Variants in NTRK3 observed in about 807,000 individuals in gnomAD.
NTRK3 encodes NT-3 growth factor receptor.
Under a neutral mutation model 91.7 loss-of-function variants are expected in NTRK3, and 24 were observed. The ratio of observed to expected loss-of-function variants is 0.26; its 90% CI spans 0.19 to 0.37. The LOEUF (loss-of-function observed/expected upper bound fraction) is 0.37. Ranked by LOEUF, NTRK3 falls within the 10% of genes least tolerant of loss-of-function variation. NTRK3 has a pLI of 1.00. For synonymous variants in NTRK3, 483 were observed against 404.0 expected, an observed-to-expected ratio of 1.20 and a Z score of -2.34; for missense variants, 880 against 1,068.9, an observed-to-expected ratio of 0.82 and a Z score of 2.46.
At chr15:88,097,622 T>C (rs1221430370) in intron 13 of NTRK3, among the ~76,000 whole-genome samples, 1 of 152,252 alleles carries the variant, frequency 6.6e-6, no homozygotes. Flanking sequence ...TTGTTACTGA[T>C]AATAGTATTT....
At chr15:87,935,043 G>C (rs760759527) in intron 15 of NTRK3, among the ~76,000 whole-genome samples, 1 of 152,130 alleles carries the variant, frequency 6.6e-6, no homozygotes, top group Non-Finnish European at 1.5e-5. Context: ...TTCAGGATGG[G>C]GAAGTAACTT....
At chr15:88,107,164 C>T (rs997032089) in intron 13 of NTRK3, among the ~76,000 whole-genome samples, 1 of 151,976 alleles carries the variant, frequency 6.6e-6, no homozygotes, top group Non-Finnish European at 1.5e-5. Flanking sequence ...AGTCCACAGG[C>T]CAGGTGCAGT....
intron 3 of NTRK3, among the ~76,000 whole-genome samples, chr15:88,224,093 A>G (rs1278085740): frequency 1.3e-5 from 2 of 152,192 alleles, no homozygotes; most frequent in Non-Finnish European, 2.9e-5. Flanking sequence ...TGCATCTCAG[A>G]GCTGGTGCAG....
chr15:88,132,116 TTGAG>T, intron 10 of NTRK3: 1 of 182,722 alleles, frequency 5.5e-6, no homozygotes, highest in Non-Finnish European at 1.2e-5. Flanking sequence ...TGACAAGTGA[TTGAG>T]TCAGAGTCAG....
intron 13 of NTRK3, among the ~76,000 whole-genome samples, chr15:88,108,500 A>G (rs1049881668): frequency 1.3e-5 from 2 of 152,116 alleles, no homozygotes; most frequent in African/African-American, 4.8e-5. Context: ...TCCTCACTCC[A>G]TGCTCCCTGT....
chr15:87,912,146 G>T, intron 17 of NTRK3, among the ~76,000 whole-genome samples: 1 of 152,174 alleles, frequency 6.6e-6, no homozygotes, highest in Non-Finnish European at 1.5e-5. Flanking sequence ...TTACATTGGA[G>T]AGCCGAAAAT....
intron 14 of NTRK3, among the ~76,000 whole-genome samples, chr15:87,999,283 G>A (rs2075930300): frequency 6.6e-6 from 1 of 152,166 alleles, no homozygotes; most frequent in Admixed American, 6.5e-5. Flanking sequence ...CTGAATGACA[G>A]CCTGTAACCT....
At chr15:88,087,517 G>A (rs1240675074) in intron 13 of NTRK3, among the ~76,000 whole-genome samples, 1 of 152,216 alleles carries the variant, frequency 6.6e-6, no homozygotes, top group African/African-American at 2.4e-5. Context: ...GGGACAGGAG[G>A]AAGAGAGTGT....
chr15:87,931,717 A>T (rs573561057), intron 16 of NTRK3, among the ~76,000 whole-genome samples: 82 of 152,318 alleles, frequency 5.4e-4, no homozygotes, highest in African/African-American at 1.8e-3. Context: ...GGCCATCTTT[A>T]TAGAAACCTG....
rs369925637 is a variant in NTRK3, at chr15:88,060,336, A to T, written c.1397-27291T>A. Reference sequence around the variant, plus strand: ...GAGGTGGAGGTCGCAGTGATCCAAGATTGCACTATTGCACTCCAGCCTGGG... The same window carrying T: ...GAGGTGGAGGTCGCAGTGATCCAAGTTTGCACTATTGCACTCCAGCCTGGG... On this transcript the variant is annotated intron_variant, in intron 13 of 18. Coordinates refer to ENST00000394480, the Ensembl canonical transcript of NTRK3. Among the ~76,000 whole-genome samples, 263 of 147,908 alleles carry T rather than the reference A, an allele frequency of 1.8e-3. 1 individual carries two copies. Among genetic ancestry groups the T allele is most frequent in the African/African-American group, 6.3e-3 (249 of 39,558 alleles).
intron 7 of NTRK3, among the ~76,000 whole-genome samples, chr15:88,136,822 A>G (rs1325314905): frequency 2.0e-5 from 3 of 152,198 alleles, no homozygotes; most frequent in Non-Finnish European, 4.4e-5. Flanking sequence ...ATGCAGTTGC[A>G]GTCTCCCACA....
At chr15:88,149,817 C>G (rs890251834) in intron 5 of NTRK3, among the ~76,000 whole-genome samples, 1 of 152,230 alleles carries the variant, frequency 6.6e-6, no homozygotes, top group Non-Finnish European at 1.5e-5. Context: ...TGCTCTGAGT[C>G]TCCATTGCCA....
chr15:88,067,849 G>A (rs1439327455), intron 13 of NTRK3, among the ~76,000 whole-genome samples: 1 of 151,808 alleles, frequency 6.6e-6, no homozygotes, highest in Non-Finnish European at 1.5e-5. Context: ...TAATATACAT[G>A]AAAAGTCCTT....
At chr15:88,097,374 A>G (rs533409012) in intron 13 of NTRK3, among the ~76,000 whole-genome samples, 1 of 152,338 alleles carries the variant, frequency 6.6e-6, no homozygotes, top group African/African-American at 2.4e-5. Context: ...CTACCTGAGT[A>G]ACTCCTAGAG....
exon 19 of NTRK3, chr15:87,864,309 T>C (rs2064605204): frequency 8.6e-6 from 2 of 231,926 alleles, no homozygotes; most frequent in Non-Finnish European, 8.5e-6. Context: ...GCCTTTACTT[T>C]GGGATATGAA....
chr15:88,096,493 T>C (rs141480329), intron 13 of NTRK3, among the ~76,000 whole-genome samples: 1 of 151,994 alleles, frequency 6.6e-6, no homozygotes, highest in East Asian at 1.9e-4. Flanking sequence ...CCCACCTGAG[T>C]CTCCTGGCAA....
chr15:88,133,080 G>C (rs2041526284), intron 10 of NTRK3, among the ~76,000 whole-genome samples: 1 of 152,168 alleles, frequency 6.6e-6, no homozygotes, highest in Non-Finnish European at 1.5e-5. Flanking sequence ...GTAGATGTGA[G>C]TGGCGCTTGA....
At chr15:87,962,428 A>G (rs867785564) in intron 14 of NTRK3, among the ~76,000 whole-genome samples, 1 of 152,180 alleles carries the variant, frequency 6.6e-6, no homozygotes, top group Non-Finnish European at 1.5e-5. Flanking sequence ...AAAGAGGAGG[A>G]GAGGTGTTGA....
chr15:88,092,995 T>C (rs147528654), intron 13 of NTRK3, among the ~76,000 whole-genome samples: 7 of 151,726 alleles, frequency 4.6e-5, no homozygotes, highest in African/African-American at 1.7e-4. Context: ...AGATGACATA[T>C]ACAGGTTCAG....
Sources: gnomAD v4.1 joint callset for allele counts (sites outside exome capture counted in the v4.1 genomes callset) on GRCh38, gnomAD v4.1.1 for gene constraint, MANE v1.5 for transcripts, NCBI Gene and HGNC (gene_info 2026-07-23, HGNC 2026-07-21) for gene names.